The following IGSF5 variants were observed in gnomAD, a reference collection of about 807,000 sequenced individuals.
IGSF5 encodes immunoglobulin superfamily 5 like.
Under a neutral mutation model 39.4 loss-of-function variants are expected in IGSF5, and 41 were observed. That is an observed-to-expected ratio of 1.04 (90% confidence interval 0.81 to 1.35). The LOEUF is 1.35. Ranked by LOEUF, IGSF5 falls within the 40% of genes most tolerant of loss-of-function variation. The pLI is 0.00. For synonymous variants in IGSF5, 183 were observed against 175.3 expected (o/e 1.04, Z -0.34); for missense variants, 487 against 494.6 (o/e 0.98, Z 0.15).
At chr21:39,778,876 A>C (rs962377603) in intron 4 of IGSF5, among the ~76,000 whole-genome samples, 2 of 152,194 alleles carry the variant, frequency 1.3e-5, no homozygotes, top group African/African-American at 4.8e-5. Flanking sequence ...GTTACTAAGA[A>C]GTTGTTTACT....
Position 39,765,585 on chromosome 21 carries a change from C to T in IGSF5, c.151C>T (p.Leu51=). 1.9e-6 allele frequency: 3 copies of T among 1,614,178 alleles called. No individual in the cohort carries two copies. The highest frequency in any genetic ancestry group is 2.5e-6 in the Non-Finnish European group (3 of 1,180,024). The change falls in exon 3 of 9, where the codon CTG becomes TTG. Residue 51 remains leucine, a synonymous_variant. Coordinates refer to ENST00000380588, the MANE Select transcript of IGSF5 (RefSeq NM_001080444.2). ...AGAAGGCCCCCAAAATGCAAGAGTC[C>T]TGAAGGGCTCCCAGGCTCGCTTCAA... ...VIEGPQNARV[L]KGSQARFNCT... is the part of the protein sequence containing the mutation.
At chr21:39,789,529 T>C (rs1007224320) in intron 6 of IGSF5, among the ~76,000 whole-genome samples, 1 of 152,158 alleles carries the variant, frequency 6.6e-6, no homozygotes, top group African/African-American at 2.4e-5. Context: ...CCCCACTTGC[T>C]TTCCCCTTTC....
the IGSF5 span, among the ~76,000 whole-genome samples, chr21:39,716,363 A>G: frequency 6.6e-6 from 1 of 152,044 alleles, no homozygotes; most frequent in African/African-American, 2.4e-5. Flanking sequence ...AATTTATTTT[A>G]GGTTTGGGGG....
the IGSF5 span, among the ~76,000 whole-genome samples, chr21:39,732,911 A>G: frequency 9.2e-5 from 14 of 152,064 alleles, no homozygotes; most frequent in African/African-American, 3.4e-4. Flanking sequence ...CTGTAGTCGC[A>G]GCTACTTGGG....
intron 3 of IGSF5, among the ~76,000 whole-genome samples, chr21:39,769,801 AAT>A (rs1378654477): frequency 2.6e-5 from 4 of 152,172 alleles, no homozygotes; most frequent in Non-Finnish European, 5.9e-5. Flanking sequence ...ATTATTTTAA[AAT>A]ATATGTTTAA....
At position 39,801,402 on chromosome 21, in the gene IGSF5, A is replaced by G; in HGVS notation, c.*45A>G. Reference sequence around the variant, plus strand: ...CACTGAGCACTTGGCTGACAATTCAAAACACGGCGATGGCATCCTTCCTTT... The same window carrying G: ...CACTGAGCACTTGGCTGACAATTCAGAACACGGCGATGGCATCCTTCCTTT... On this transcript the variant is annotated 3_prime_UTR_variant, in exon 9 of 9. Transcript: ENST00000380588. 7.3e-7 allele frequency: 1 copy of G among 1,378,822 alleles called. No homozygotes were observed. The highest frequency in any genetic ancestry group is 1.0e-6 in the Non-Finnish European group (1 of 968,820). The allele number at this position is 1,378,822 out of a possible 1,614,324, so 85.4% of individuals were successfully genotyped here.
At chr21:39,791,330 C>T (rs2086963826) in intron 6 of IGSF5, among the ~76,000 whole-genome samples, 1 of 152,196 alleles carries the variant, frequency 6.6e-6, no homozygotes, top group African/African-American at 2.4e-5. Context: ...CATGAATCAA[C>T]ATTCTTTCAA....
the IGSF5 span, among the ~76,000 whole-genome samples, chr21:39,739,825 G>C: frequency 1.3e-5 from 2 of 152,184 alleles, no homozygotes; most frequent in South Asian, 4.1e-4. Flanking sequence ...AGAATGATTT[G>C]TAGTTTTACA....
chr21:39,770,853 AG>A, intron 3 of IGSF5, 62 bp from the exon 4 acceptor site: 2 of 1,182,448 alleles, frequency 1.7e-6, no homozygotes, highest in Non-Finnish European at 1.1e-6. Flanking sequence ...AAAAAAAAAA[AG>A]AAAACTTAGA....
At chr21:39,725,205 C>A in the IGSF5 span, among the ~76,000 whole-genome samples, 1 of 152,344 alleles carries the variant, frequency 6.6e-6, no homozygotes, top group East Asian at 1.9e-4. Flanking sequence ...ATGTAAAACC[C>A]TGAAATGTAA....
intron 2 of IGSF5, among the ~76,000 whole-genome samples, chr21:39,749,042 A>T (rs2079990286): frequency 6.8e-6 from 1 of 146,018 alleles, no homozygotes; most frequent in Non-Finnish European, 1.5e-5. Context: ...TAACGGGAGA[A>T]AAAAAATGTT....
At chr21:39,763,763 A>G (rs983638257) in intron 2 of IGSF5, among the ~76,000 whole-genome samples, 1 of 152,064 alleles carries the variant, frequency 6.6e-6, no homozygotes, top group Non-Finnish European at 1.5e-5. Flanking sequence ...TGGTTATTAC[A>G]TCACGGACCC....
intron 2 of IGSF5, among the ~76,000 whole-genome samples, chr21:39,750,340 C>T (rs1234816847): frequency 1.3e-5 from 2 of 151,968 alleles, no homozygotes; most frequent in African/African-American, 2.4e-5. Context: ...TCAAAAAGGA[C>T]CATTAAAAAA....
At chr21:39,724,736 T>C in the IGSF5 span, among the ~76,000 whole-genome samples, 1 of 152,324 alleles carries the variant, frequency 6.6e-6, no homozygotes, top group East Asian at 1.9e-4. Flanking sequence ...GATCAGTTGG[T>C]CATCACATTC....
chr21:39,777,792 A>C (rs2080148536), intron 4 of IGSF5, among the ~76,000 whole-genome samples: 1 of 152,174 alleles, frequency 6.6e-6, no homozygotes, highest in African/African-American at 2.4e-5. Flanking sequence ...CTCCATGCAG[A>C]GTCATTTAAC....
At chr21:39,759,070 T>A (rs1176642754) in intron 2 of IGSF5, among the ~76,000 whole-genome samples, 1 of 138,690 alleles carries the variant, frequency 7.2e-6, no homozygotes, top group Non-Finnish European at 1.5e-5. Flanking sequence ...AGACATGTTT[T>A]GCTTGTTTTG....
At chr21:39,779,929 G>A (rs1240852401) in intron 5 of IGSF5, among the ~76,000 whole-genome samples, 1 of 152,108 alleles carries the variant, frequency 6.6e-6, no homozygotes, top group Non-Finnish European at 1.5e-5. Flanking sequence ...GTTGGTCGAA[G>A]GGTACAAAGT....
chr21:39,798,049 G>A (rs915670097), intron 8 of IGSF5, among the ~76,000 whole-genome samples: 2 of 152,172 alleles, frequency 1.3e-5, no homozygotes, highest in African/African-American at 4.8e-5. Flanking sequence ...ATGTGCCAGG[G>A]TTGGCCCACA....
the IGSF5 span, among the ~76,000 whole-genome samples, chr21:39,721,141 C>A: frequency 5.3e-5 from 8 of 152,092 alleles, no homozygotes. Flanking sequence ...AAAGATGACA[C>A]AGTAGAGTGA....
Sources: gnomAD v4.1 joint callset for allele counts (sites outside exome capture counted in the v4.1 genomes callset) on GRCh38, gnomAD v4.1.1 for gene constraint, MANE v1.5 for transcripts, NCBI Gene and HGNC (gene_info 2026-07-23, HGNC 2026-07-21) for gene names.